TBXAS1: variants seen among roughly 807,000 people sequenced by gnomAD.
The protein encoded by TBXAS1 is thromboxane-A synthase.
A neutral mutation model predicts 60.7 loss-of-function variants in TBXAS1; 48 were observed. The ratio of observed to expected loss-of-function variants is 0.79; its 90% CI spans 0.63 to 1.01. The LOEUF is 1.01. Among genes scored for constraint, TBXAS1 ranks in the 50% least tolerant of loss-of-function variants. The pLI, the probability that TBXAS1 is intolerant of heterozygous loss-of-function variation, is 0.00. For missense variants in TBXAS1, 685 were observed against 686.3 expected (o/e 1.00, Z 0.02); for synonymous variants, 287 against 269.7 (o/e 1.06, Z -0.63).
chr7:139,836,018 C>G (rs1017547769), intron 1 of TBXAS1, among the ~76,000 whole-genome samples: 4 of 150,090 alleles, frequency 2.7e-5, no homozygotes, highest in African/African-American at 4.9e-5. Context: ...AAGTCAACCC[C>G]TTTTACAATA....
At chr7:139,865,072 G>T (rs1036012672) in intron 1 of TBXAS1, among the ~76,000 whole-genome samples, 3 of 152,226 alleles carry the variant, frequency 2.0e-5, no homozygotes, top group African/African-American at 7.2e-5. Context: ...ACTGATACGT[G>T]AGTGAGTGTG....
At chr7:140,006,974 G>A in intron 9 of TBXAS1, 117 bp from the exon 10 acceptor site, 6 of 1,007,812 alleles carry the variant, frequency 6.0e-6, no homozygotes, top group African/African-American at 1.6e-5. Flanking sequence ...ATTTTGTGGG[G>A]TTTCTGTTTA....
chr7:139,880,509 C>T (rs1203838935), intron 3 of TBXAS1, among the ~76,000 whole-genome samples: 1 of 152,222 alleles, frequency 6.6e-6, no homozygotes, highest in Non-Finnish European at 1.5e-5. Flanking sequence ...TGCTCCCACC[C>T]TGGGGCCCAT....
Position 140,017,689 on chromosome 7 carries a change from G to C in TBXAS1, c.1383G>C (p.Arg461=), listed in dbSNP as rs1303040621. The C allele has an allele frequency of 6.2e-7, 1 of 1,613,254 alleles. No homozygotes were observed. The highest frequency in any genetic ancestry group is 1.3e-5 in the African/African-American group (1 of 74,918). The change falls in exon 12 of 13, where the codon CGG becomes CGC. Residue 461 remains arginine (R), a synonymous_variant. Transcript: ENST00000448866. ...FNPERFTAEA[R]QQHRPFTYLP... is the part of the protein sequence containing the mutation. ...CCTGCAGGTTCACGGCTGAGGCCCG[G>C]CAGCAGCACCGGCCCTTCACGTACC...
chr7:139,932,847 A>C (rs915573800), intron 4 of TBXAS1, among the ~76,000 whole-genome samples: 1 of 152,154 alleles, frequency 6.6e-6, no homozygotes, highest in Non-Finnish European at 1.5e-5. Context: ...TCTTGAGGCT[A>C]GGAGTTCAAG....
Position 139,791,699 on chromosome 7 carries a change from G to A in TBXAS1, c.-80+4273G>A, listed in dbSNP as rs143003734. On this transcript the variant is annotated intron_variant, in intron 4 of 16. Coordinates refer to the TBXAS1 transcript ENST00000336425. ...TATAATCCTAGTGAAAGGTGCAGGC[G>A]GCTGTATAACCCAGGCCCCGCACAT... Among the ~76,000 whole-genome samples the A allele has an allele frequency of 1.8e-3, 277 of 152,190 alleles. 2 individuals are homozygous for A. Among genetic ancestry groups the A allele is most frequent in the African/African-American group, 6.3e-3 (260 of 41,524 alleles).
intron 1 of TBXAS1, among the ~76,000 whole-genome samples, chr7:139,841,108 C>T (rs892907710): frequency 7.9e-5 from 12 of 152,208 alleles, no homozygotes; most frequent in African/African-American, 2.2e-4. Flanking sequence ...TAGGTGTGAG[C>T]GTGGCAAGGA....
At chr7:140,015,697 C>A in intron 10 of TBXAS1, 26 bp from the exon 11 acceptor site, 1 of 1,611,944 alleles carries the variant, frequency 6.2e-7, no homozygotes. Context: ...TCTCTGTATC[C>A]ACCCCCGACC....
chr7:139,808,079 C>G (rs972617881), intron 4 of TBXAS1, among the ~76,000 whole-genome samples: 9 of 152,078 alleles, frequency 5.9e-5, no homozygotes, highest in Admixed American at 5.2e-4. Context: ...TACCTGTAAT[C>G]CCAGTATTTT....
At chr7:139,865,780 GAA>G (rs2116757767) in intron 1 of TBXAS1, among the ~76,000 whole-genome samples, 1 of 116,636 alleles carries the variant, frequency 8.6e-6, no homozygotes. Flanking sequence ...AAGGAAGAAG[GAA>G]GGGAGGAAGG....
At chr7:139,964,912 A>G (rs1810663671) in intron 9 of TBXAS1, among the ~76,000 whole-genome samples, 1 of 152,208 alleles carries the variant, frequency 6.6e-6, no homozygotes, top group African/African-American at 2.4e-5. Context: ...TGCCAGGAGG[A>G]CACAGCAAGT....
chr7:139,915,182 AAC>A (rs1361500487), intron 4 of TBXAS1, among the ~76,000 whole-genome samples: 3 of 152,306 alleles, frequency 2.0e-5, no homozygotes, highest in South Asian at 2.1e-4. Flanking sequence ...TTTTTTAAAA[AAC>A]AGTCTTTAAA....
At chr7:139,894,741 C>T (rs1355449863) in intron 3 of TBXAS1, among the ~76,000 whole-genome samples, 2 of 152,156 alleles carry the variant, frequency 1.3e-5, no homozygotes. Context: ...CTTCCAATGG[C>T]ACAAAGTCAG....
intron 3 of TBXAS1, among the ~76,000 whole-genome samples, chr7:139,890,964 C>A (rs1294714993): frequency 6.6e-6 from 1 of 152,012 alleles, no homozygotes; most frequent in Non-Finnish European, 1.5e-5. Context: ...TTAGTTTATG[C>A]CAATAGTACT....
At chr7:139,873,662 A>G (rs1210812378) in intron 2 of TBXAS1, among the ~76,000 whole-genome samples, 2 of 152,188 alleles carry the variant, frequency 1.3e-5, no homozygotes, top group African/African-American at 4.8e-5. Flanking sequence ...TATTTTAAGT[A>G]TGTTGCTTGG....
At chr7:139,950,687 C>T (rs961813447) in intron 5 of TBXAS1, among the ~76,000 whole-genome samples, 10 of 148,484 alleles carry the variant, frequency 6.7e-5, no homozygotes, top group African/African-American at 1.5e-4. Flanking sequence ...GGGACCCCCT[C>T]GCCCTCCATC....
chr7:140,019,992 CTT>C (rs754537704), intron 12 of TBXAS1, 31 bp from the exon 13 acceptor site: 82 of 1,602,066 alleles, frequency 5.1e-5, no homozygotes, highest in Non-Finnish European at 6.8e-5. Flanking sequence ...GCTACTATCT[CTT>C]TGACAAATAT....
At chr7:139,790,627 G>A (rs1019807602) in intron 4 of TBXAS1, among the ~76,000 whole-genome samples, 8 of 152,150 alleles carry the variant, frequency 5.3e-5, no homozygotes, top group South Asian at 2.1e-4. Context: ...CTAAATGAAT[G>A]TACATAGTAA....
chr7:139,978,077 G>C (rs1329807613), intron 9 of TBXAS1, among the ~76,000 whole-genome samples: 2 of 152,162 alleles, frequency 1.3e-5, no homozygotes, highest in East Asian at 1.9e-4. Flanking sequence ...CTTGTGGCCA[G>C]CTGTTCCTCT....
Sources: gnomAD v4.1 joint callset for allele counts (sites outside exome capture counted in the v4.1 genomes callset) on GRCh38, gnomAD v4.1.1 for gene constraint, MANE v1.5 for transcripts, NCBI Gene and HGNC (gene_info 2026-07-23, HGNC 2026-07-21) for gene names.